Variants in RGS6 observed in about 807,000 individuals in gnomAD.
RGS6 encodes the protein regulator of G-protein signaling 6.
A neutral mutation model predicts 78.5 loss-of-function variants in RGS6; 30 were observed. That is an observed-to-expected ratio of 0.38 (90% confidence interval 0.29 to 0.52). The LOEUF (loss-of-function observed/expected upper bound fraction) is 0.52. RGS6 is among the 20% of genes least tolerant of loss of function. RGS6 has a pLI of 0.85. For missense variants in RGS6, 495 were observed against 609.7 expected (o/e 0.81, Z 1.98); for synonymous variants, 206 against 206.0 (o/e 1.00, Z 0.00).
intron 2 of RGS6, among the ~76,000 whole-genome samples, chr14:72,122,572 C>G (rs1441106170): frequency 6.6e-6 from 1 of 152,264 alleles, no homozygotes; most frequent in Non-Finnish European, 1.5e-5. Context: ...GTTCCCATCT[C>G]TCCCTAGTGA....
Position 72,541,746 on chromosome 14 carries a change from G to A in RGS6, c.1422+1652G>A, listed in dbSNP as rs897695940. The A allele has an allele frequency of 4.7e-5, 49 of 1,034,658 alleles. No homozygotes were observed. In the Middle Eastern group the frequency reaches 1.9e-3, roughly 41 times the overall value. 64.1% of individuals were successfully genotyped at this position (1,034,658 alleles called of 1,614,324 possible). A position where few individuals can be genotyped will look rare whatever the true frequency, so the allele number is the denominator to read the frequency against. On this transcript the variant is annotated intron_variant, in intron 17 of 17. Transcript: ENST00000553525. Reference sequence around the variant, plus strand: ...TGTAAGCAGAGCCTTGACAGCCCCCGGAAGCTCTTGAGGGTGACCGTGCAG... The same window carrying A: ...TGTAAGCAGAGCCTTGACAGCCCCCAGAAGCTCTTGAGGGTGACCGTGCAG...
intron 3 of RGS6, among the ~76,000 whole-genome samples, chr14:72,357,699 C>T (rs1162659102): frequency 6.6e-6 from 1 of 152,074 alleles, no homozygotes; most frequent in African/African-American, 2.4e-5. Flanking sequence ...CATTTGACAT[C>T]TCTGGACACA....
At chr14:72,504,446 G>C (rs1280125385) in intron 13 of RGS6, among the ~76,000 whole-genome samples, 2 of 152,148 alleles carry the variant, frequency 1.3e-5, no homozygotes, top group Non-Finnish European at 2.9e-5. Flanking sequence ...CAGAATACTA[G>C]AACCAAATAA....
At chr14:72,399,598 G>A (rs1366900101) in intron 3 of RGS6, among the ~76,000 whole-genome samples, 13 of 152,184 alleles carry the variant, frequency 8.5e-5, no homozygotes, top group South Asian at 2.1e-4. Flanking sequence ...TATTTTGCTC[G>A]TTAGTTGATG....
intron 2 of RGS6, among the ~76,000 whole-genome samples, chr14:72,000,713 A>G (rs1156696347): frequency 1.3e-5 from 2 of 152,170 alleles, no homozygotes; most frequent in African/African-American, 4.8e-5. Flanking sequence ...CTATTTCCAG[A>G]AAAAGAAAGA....
chr14:72,459,795 C>T (rs1310623296), intron 6 of RGS6, 112 bp downstream of exon 6: 8 of 1,045,826 alleles, frequency 7.6e-6, no homozygotes, highest in Non-Finnish European at 1.2e-5. Flanking sequence ...GAGGAGGGTC[C>T]TTTCTGCTTA....
In RGS6 at chr14:72,363,999, TAAAA is replaced by T. The variant is rs55943058; in HGVS notation, c.184+11829_184+11832del. On this transcript the variant is annotated intron_variant, in intron 3 of 17. Transcript: ENST00000553525. ...ACCATCACTTGTCAGTGGACAAGGC[TAAAA>T]AAAAAAAAAAAAAAAAAAAAAAACT... is the stretch of plus-strand genomic sequence containing the variant. 2.6e-4 allele frequency among the ~76,000 whole-genome samples: 12 copies of T among 46,800 alleles called. 1 individual carries two copies. Among genetic ancestry groups the T allele is most frequent in the African/African-American group, 6.6e-4 (10 of 15,208 alleles). 30.7% of individuals were successfully genotyped at this position (46,800 alleles called of 152,430 possible).
At chr14:71,991,279 G>A (rs917438359) in intron 2 of RGS6, among the ~76,000 whole-genome samples, 8 of 152,114 alleles carry the variant, frequency 5.3e-5, no homozygotes, top group African/African-American at 1.7e-4. Flanking sequence ...TGAGTTTGGC[G>A]GCTGTCCACA....
chr14:72,191,285 C>T (rs1291030971), intron 2 of RGS6, among the ~76,000 whole-genome samples: 2 of 151,992 alleles, frequency 1.3e-5, no homozygotes, highest in East Asian at 1.9e-4. Context: ...TCCACACCTG[C>T]GTTTGTAAAT....
intron 2 of RGS6, among the ~76,000 whole-genome samples, chr14:72,264,050 AAACACG>A (rs1809363028): frequency 1.3e-5 from 2 of 152,208 alleles, no homozygotes; most frequent in Non-Finnish European, 2.9e-5. Flanking sequence ...TTCTGCAGAG[AAACACG>A]TGAACATTCA....
intron 2 of RGS6, among the ~76,000 whole-genome samples, chr14:72,077,061 C>G (rs1200068803): frequency 1.3e-5 from 2 of 151,038 alleles, no homozygotes; most frequent in African/African-American, 4.9e-5. Flanking sequence ...AATTTACATT[C>G]CTGTAACAGG....
At position 72,132,565 on chromosome 14, in the gene RGS6, C is replaced by T. The variant is rs149014183; in HGVS notation, c.84+167690C>T. 6.8e-3 allele frequency among the ~76,000 whole-genome samples: 1,039 copies of T among 152,290 alleles called. 36 individuals are homozygous for T. Among genetic ancestry groups the T allele is most frequent in the Admixed American group, 0.06 (924 of 15,300 alleles). On this transcript the variant is annotated intron_variant, in intron 2 of 17. Coordinates refer to ENST00000553525, the MANE Select transcript of RGS6 (RefSeq NM_001204424.2). ...AAGTGCTGGGATTACACACATGAGC[C>T]ACCACGCCTGGCCCCATTTTATATA...
At chr14:71,874,703 G>A in the RGS6 span, among the ~76,000 whole-genome samples, 2 of 152,136 alleles carry the variant, frequency 1.3e-5, no homozygotes, top group Non-Finnish European at 1.5e-5. Context: ...GTGAGAGAGG[G>A]CATCCCTGTC....
rs2097390419 is a variant in RGS6 at position 72,545,842 on chromosome 14, G to A, written c.1422+5748G>A. On this transcript the variant is annotated intron_variant, in intron 17 of 17. Transcript: ENST00000553525. Reference sequence around the variant, plus strand: ...GTCAGGGAGGACTCACAGAGAACAGGGTGAGTGCCCTACACCCTTCAGCTT... The same window carrying A: ...GTCAGGGAGGACTCACAGAGAACAGAGTGAGTGCCCTACACCCTTCAGCTT... 2.0e-5 allele frequency among the ~76,000 whole-genome samples: 3 copies of A among 152,166 alleles called. No homozygotes were observed. In the South Asian group the frequency reaches 6.2e-4, roughly 32 times the overall value.
At chr14:72,281,234 C>T (rs1488603311) in intron 2 of RGS6, among the ~76,000 whole-genome samples, 9 of 150,922 alleles carry the variant, frequency 6.0e-5, no homozygotes, top group Non-Finnish European at 7.4e-5. Flanking sequence ...CTGTAGCCTC[C>T]GCCTCCCAGG....
chr14:72,098,955 G>A (rs1172243306), intron 2 of RGS6, among the ~76,000 whole-genome samples: 1 of 152,144 alleles, frequency 6.6e-6, no homozygotes, highest in Non-Finnish European at 1.5e-5. Context: ...CTTTCTTATT[G>A]TGCACATTTT....
chr14:72,309,700 C>A (rs907478190), intron 2 of RGS6, among the ~76,000 whole-genome samples: 11 of 152,240 alleles, frequency 7.2e-5, no homozygotes, highest in African/African-American at 2.7e-4. Flanking sequence ...AAGCTCTGTG[C>A]TCTTTTAAAT....
intron 3 of RGS6, among the ~76,000 whole-genome samples, chr14:72,439,447 G>A (rs2095091554): frequency 6.6e-6 from 1 of 152,252 alleles, no homozygotes; most frequent in African/African-American, 2.4e-5. Flanking sequence ...GCCTTTGTGA[G>A]CTCTAGATCT....
At chr14:72,128,042 AC>A (rs1336349881) in intron 2 of RGS6, among the ~76,000 whole-genome samples, 5 of 152,266 alleles carry the variant, frequency 3.3e-5, no homozygotes, top group African/African-American at 9.6e-5. Flanking sequence ...GTATGGATAG[AC>A]CACAGTTTAA....
Sources: gnomAD v4.1 joint callset for allele counts (sites outside exome capture counted in the v4.1 genomes callset) on GRCh38, gnomAD v4.1.1 for gene constraint, MANE v1.5 for transcripts, NCBI Gene and HGNC (gene_info 2026-07-23, HGNC 2026-07-21) for gene names.